CCSER1: variants seen among roughly 807,000 people sequenced by gnomAD.
The protein encoded by CCSER1 is serine-rich coiled-coil domain-containing protein 1.
In CCSER1, 41 loss-of-function variants were observed where a neutral mutation model predicts 82.0. That is an observed-to-expected ratio of 0.50 (90% confidence interval 0.39 to 0.65). CCSER1 has a LOEUF of 0.65. Ranked by LOEUF, CCSER1 falls within the 30% of genes least tolerant of loss-of-function variation. CCSER1 has a pLI of 0.00. For missense variants in CCSER1, 1,119 were observed against 1,064.2 expected (o/e 1.05, Z -0.72); for synonymous variants, 414 against 383.9 (o/e 1.08, Z -0.92).
intron 10 of CCSER1, among the ~76,000 whole-genome samples, chr4:91,247,091 G>A (rs562230554): frequency 1.4e-4 from 21 of 152,042 alleles, no homozygotes; most frequent in African/African-American, 4.8e-4. Context: ...CACGAGGTCA[G>A]GAGATCAAGA....
intron 1 of CCSER1, among the ~76,000 whole-genome samples, chr4:90,236,726 T>C (rs992265804): frequency 8.5e-5 from 13 of 152,152 alleles, no homozygotes; most frequent in African/African-American, 2.9e-4. Context: ...TTTTTTTCAG[T>C]AAATTTCATG....
chr4:90,128,516 T>TGTGTGTGTGTGTGCGC (rs994567297), intron 1 of CCSER1, among the ~76,000 whole-genome samples: 3 of 128,588 alleles, frequency 2.3e-5, no homozygotes, highest in Admixed American at 1.5e-4. Flanking sequence ...TGTGTGTGTG[T>TGTGTGTGTGTGTGCGC]GCGCGCGCGC....
At chr4:90,932,994 A>AAGAGAGAGAG (rs1391712277) in intron 9 of CCSER1, among the ~76,000 whole-genome samples, 1 of 60,406 alleles carries the variant, frequency 1.7e-5, no homozygotes, top group Non-Finnish European at 3.0e-5. Flanking sequence ...GAAAGAAAGA[A>AAGAGAGAGAG]AGAAAGAAAG....
At chr4:91,369,452 T>C (rs1424603408) in intron 10 of CCSER1, among the ~76,000 whole-genome samples, 1 of 152,214 alleles carries the variant, frequency 6.6e-6, no homozygotes, top group African/African-American at 2.4e-5. Flanking sequence ...TGAGCAATTC[T>C]TGTTATCTTT....
intron 10 of CCSER1, among the ~76,000 whole-genome samples, chr4:91,309,160 C>T (rs965033046): frequency 1.4e-4 from 22 of 152,008 alleles, no homozygotes; most frequent in African/African-American, 5.3e-4. Context: ...TCTTGTCCGT[C>T]CTTTTTAGAT....
At chr4:91,054,741 G>A (rs1196655335) in intron 9 of CCSER1, among the ~76,000 whole-genome samples, 1 of 151,928 alleles carries the variant, frequency 6.6e-6, no homozygotes, top group Non-Finnish European at 1.5e-5. Flanking sequence ...GGGTGGATTT[G>A]GAAGTGTTTG....
rs551807184 is a variant in CCSER1, at chr4:90,195,135, C to T, written c.-42+67304C>T. 4.2e-4 allele frequency among the ~76,000 whole-genome samples: 64 copies of T among 152,152 alleles called. 1 individual carries two copies. The highest frequency in any genetic ancestry group is 1.5e-3 in the Admixed American group (23 of 15,256). ...AAGGAACTGAAAGCTTGTATTCACA[C>T]AGAAACCTGTACATGGATAGTTATA... On this transcript the variant is annotated intron_variant, in intron 1 of 10. Transcript: ENST00000509176.
At chr4:90,227,273 T>C (rs1403383420) in intron 1 of CCSER1, among the ~76,000 whole-genome samples, 1 of 152,266 alleles carries the variant, frequency 6.6e-6, no homozygotes, top group African/African-American at 2.4e-5. Context: ...TTTACAACAA[T>C]TCTAAGAAAA....
chr4:90,360,269 C>T (rs1484019358), intron 3 of CCSER1, among the ~76,000 whole-genome samples: 1 of 149,310 alleles, frequency 6.7e-6, no homozygotes, highest in Admixed American at 6.6e-5. Context: ...TGGCTCACGC[C>T]TGTAATCTCA....
At chr4:90,820,470 A>G (rs1437248073) in intron 8 of CCSER1, among the ~76,000 whole-genome samples, 1 of 152,146 alleles carries the variant, frequency 6.6e-6, no homozygotes, top group Admixed American at 6.5e-5. Context: ...GCTTGTCCTC[A>G]CATGATAGAA....
At chr4:91,114,456 G>A (rs905528700) in intron 10 of CCSER1, among the ~76,000 whole-genome samples, 3 of 152,150 alleles carry the variant, frequency 2.0e-5, no homozygotes, top group Admixed American at 2.0e-4. Context: ...AGATGTCATC[G>A]TATTTTTAGA....
chr4:90,584,406 C>A (rs1781758076), intron 5 of CCSER1, among the ~76,000 whole-genome samples: 1 of 152,110 alleles, frequency 6.6e-6, no homozygotes, highest in South Asian at 2.1e-4. Context: ...GTTACAGGAA[C>A]TTCAAGGAAG....
intron 9 of CCSER1, among the ~76,000 whole-genome samples, chr4:91,005,398 C>T (rs896852308): frequency 6.9e-6 from 1 of 144,788 alleles, no homozygotes; most frequent in African/African-American, 2.8e-5. Flanking sequence ...TTTACACACA[C>T]ACACACACAC....
intron 8 of CCSER1, among the ~76,000 whole-genome samples, chr4:90,822,928 T>A (rs1759955878): frequency 6.6e-6 from 1 of 152,148 alleles, no homozygotes; most frequent in African/African-American, 2.4e-5. Flanking sequence ...AATCTTCCTC[T>A]GTTTACTAAC....
At chr4:91,280,075 G>A (rs1189067962) in intron 10 of CCSER1, among the ~76,000 whole-genome samples, 1 of 152,152 alleles carries the variant, frequency 6.6e-6, no homozygotes, top group African/African-American at 2.4e-5. Context: ...TGCAGACTGT[G>A]GTAAAGTTTT....
intron 10 of CCSER1, among the ~76,000 whole-genome samples, chr4:91,162,894 T>C (rs1388146286): frequency 6.6e-6 from 1 of 152,168 alleles, no homozygotes; most frequent in Non-Finnish European, 1.5e-5. Flanking sequence ...CCTGGATTCA[T>C]TGATTTTTTT....
intron 9 of CCSER1, among the ~76,000 whole-genome samples, chr4:91,060,535 T>C (rs1219231237): frequency 6.6e-6 from 1 of 152,036 alleles, no homozygotes; most frequent in African/African-American, 2.4e-5. Flanking sequence ...CTGAAGCAAG[T>C]TCTTTCAAAA....
At chr4:90,656,883 A>C in intron 6 of CCSER1, among the ~76,000 whole-genome samples, 1 of 152,144 alleles carries the variant, frequency 6.6e-6, no homozygotes, top group East Asian at 1.9e-4. Flanking sequence ...AAATGAACAC[A>C]TGTAATTTTC....
At chr4:90,341,671 G>T (rs1243205158) in intron 3 of CCSER1, among the ~76,000 whole-genome samples, 2 of 96,972 alleles carry the variant, frequency 2.1e-5, no homozygotes, top group Non-Finnish European at 2.0e-5. Context: ...GCTTTAACTT[G>T]TCAACCTGAC....
Sources: gnomAD v4.1 joint callset for allele counts (sites outside exome capture counted in the v4.1 genomes callset) on GRCh38, gnomAD v4.1.1 for gene constraint, MANE v1.5 for transcripts, NCBI Gene and HGNC (gene_info 2026-07-23, HGNC 2026-07-21) for gene names.